Variants in LRRK1 observed in about 807,000 individuals in gnomAD.
The protein encoded by LRRK1 is leucine-rich repeat serine/threonine-protein kinase 1.
A neutral mutation model predicts 209.1 loss-of-function variants in LRRK1; 113 were observed. The ratio of observed to expected loss-of-function variants is 0.54; its 90% CI spans 0.46 to 0.63. LRRK1 has a LOEUF of 0.63. Among genes scored for constraint, LRRK1 ranks in the 30% least tolerant of loss-of-function variants. LRRK1 has a pLI of 0.00. For missense variants in LRRK1, 2,284 were observed against 2,632.2 expected, an observed-to-expected ratio of 0.87 and a Z score of 2.89; for synonymous variants, 1,144 against 1,099.7, an observed-to-expected ratio of 1.04 and a Z score of -0.80.
intron 16 of LRRK1, among the ~76,000 whole-genome samples, chr15:101,025,560 G>A (rs180901029): frequency 9.2e-5 from 14 of 152,356 alleles, no homozygotes; most frequent in African/African-American, 2.6e-4. Context: ...TTAGGCCTCA[G>A]GAAGCTTTTA....
At position 101,053,392 on chromosome 15, in the gene LRRK1, C is replaced by T. The variant is rs41418955; in HGVS notation, c.4026C>T (p.Leu1342=). Reference sequence around the variant, plus strand: ...TGGAGCTCGCGCCGCTCAGCAGCCTCAACACCGTGCTGTCCGAGAACGCCA... The same window carrying T: ...TGGAGCTCGCGCCGCTCAGCAGCCTTAACACCGTGCTGTCCGAGAACGCCA... ...FALELAPLSS[L]NTVLSENARD... is the part of the protein sequence containing the mutation. Residue 1342 remains leucine (L), a synonymous_variant, in exon 26 of 34, where the codon CTC becomes CTT. Transcript: ENST00000388948. 8.8e-3 allele frequency: 14,074 copies of T among 1,599,060 alleles called. 76 individuals are homozygous for T. The highest frequency in any genetic ancestry group is 0.011 in the Non-Finnish European group (12,885 of 1,179,230).
intron 4 of LRRK1, chr15:100,983,929 T>C: frequency 1.5e-6 from 1 of 646,296 alleles, no homozygotes; most frequent in Non-Finnish European, 2.8e-6. Context: ...AAGAATGTAA[T>C]TAACATTGCT....
At chr15:100,974,028 C>T (rs2031142402) in intron 3 of LRRK1, 61 bp downstream of exon 3, 2 of 1,210,196 alleles carry the variant, frequency 1.7e-6, no homozygotes, top group Admixed American at 4.2e-5. Flanking sequence ...AAGGGGACCG[C>T]TCAGATGATT....
At chr15:100,971,967 A>AT (rs35045867) in intron 2 of LRRK1, among the ~76,000 whole-genome samples, 102,601 of 147,290 alleles carry the variant, frequency 0.7, 35,741 homozygotes, top group Middle Eastern at 0.75. Context: ...TGACAAAAGA[A>AT]TTTTTTTTTT....
chr15:101,066,884 G>A, intron 33 of LRRK1, 143 bp downstream of exon 33: 1 of 776,478 alleles, frequency 1.3e-6, no homozygotes, highest in South Asian at 1.7e-5. Flanking sequence ...AGGCAAAGTG[G>A]AAACAAGATG....
At chr15:101,041,147 T>C (rs2034736039) in intron 20 of LRRK1, among the ~76,000 whole-genome samples, 1 of 152,246 alleles carries the variant, frequency 6.6e-6, no homozygotes, top group Non-Finnish European at 1.5e-5. Flanking sequence ...ACAATGTTTC[T>C]CTTTATCACT....
intron 2 of LRRK1, among the ~76,000 whole-genome samples, chr15:100,956,656 G>C (rs2042772538): frequency 6.6e-6 from 1 of 150,808 alleles, no homozygotes; most frequent in Non-Finnish European, 1.5e-5. Flanking sequence ...GTAGAGACAG[G>C]GTTTCACCAT....
chr15:100,987,010 A>C (rs1183035607), intron 4 of LRRK1, among the ~76,000 whole-genome samples: 3 of 152,158 alleles, frequency 2.0e-5, no homozygotes, highest in Non-Finnish European at 4.4e-5. Flanking sequence ...ATCTCAACAG[A>C]AGTTACTAGC....
intron 6 of LRRK1, among the ~76,000 whole-genome samples, chr15:100,997,957 T>A (rs1374310721): frequency 1.3e-5 from 2 of 151,956 alleles, no homozygotes; most frequent in African/African-American, 4.8e-5. Context: ...AGGTGGTGGA[T>A]CATCTGAGGT....
intron 29 of LRRK1, among the ~76,000 whole-genome samples, chr15:101,059,442 CT>C (rs2036025053): frequency 1.4e-5 from 2 of 147,888 alleles, no homozygotes; most frequent in African/African-American, 4.9e-5. Context: ...TGGAGCACGC[CT>C]TCCTGATGGG....
chr15:101,039,268 T>C (rs531789396), intron 20 of LRRK1, among the ~76,000 whole-genome samples: 9 of 152,202 alleles, frequency 5.9e-5, no homozygotes, highest in Non-Finnish European at 1.2e-4. Context: ...TTTATTTTGG[T>C]TTTTAAAAAG....
At chr15:100,922,183 A>T (rs779968365) in intron 1 of LRRK1, among the ~76,000 whole-genome samples, 2 of 152,250 alleles carry the variant, frequency 1.3e-5, no homozygotes, top group Non-Finnish European at 2.9e-5. Flanking sequence ...ACTTGTAATC[A>T]TCACTTGTTG....
At chr15:100,938,998 C>T (rs539592357) in intron 2 of LRRK1, among the ~76,000 whole-genome samples, 373 of 152,304 alleles carry the variant, frequency 2.4e-3, no homozygotes, top group Non-Finnish European at 3.2e-3. Flanking sequence ...GAGACTGAGA[C>T]AGGAGAATCG....
At chr15:100,998,649 G>A (rs2032540412) in intron 6 of LRRK1, among the ~76,000 whole-genome samples, 1 of 151,036 alleles carries the variant, frequency 6.6e-6, no homozygotes. Context: ...GGGTGGGTGT[G>A]TGGATGGATG....
At chr15:101,059,538 G>T (rs1206305017) in intron 29 of LRRK1, among the ~76,000 whole-genome samples, 1 of 146,572 alleles carries the variant, frequency 6.8e-6, no homozygotes, top group Non-Finnish European at 1.6e-5. Context: ...TGTTATGATT[G>T]TTACTCTAAG....
Position 101,074,652 on chromosome 15 carries a change from C to A in LRRK1, c.*5804C>A, listed in dbSNP as rs1335203110. On this transcript the variant is annotated 3_prime_UTR_variant, in exon 34 of 34. Coordinates refer to ENST00000388948, the MANE Select transcript of LRRK1 (RefSeq NM_024652.6). ...AAACCCCACAACAGGATTTAATTAACCTTGCCTTCAAGGTGTACAATAATA... is the reference window on the plus strand; with the variant it reads ...AAACCCCACAACAGGATTTAATTAAACTTGCCTTCAAGGTGTACAATAATA... 2 of 152,160 alleles carry A rather than the reference C, an allele frequency of 1.3e-5. No homozygotes were observed. The highest frequency in any genetic ancestry group is 2.9e-5 in the Non-Finnish European group (2 of 68,034). The allele number at this position is 152,160 out of a possible 1,614,324, so 9.4% of individuals were successfully genotyped here. A position where few individuals can be genotyped will look rare whatever the true frequency, so the allele number is the denominator to read the frequency against.
In LRRK1 at chr15:101,051,785, T is replaced by G; in HGVS notation, c.3514T>G (p.Trp1172Gly). Reference sequence around the variant, plus strand: ...GCCCTGCCCGGTCTGCGAGACAGCCTGGGCCCAGCACACGGACCCCAGTGA... The same window carrying G: ...GCCCTGCCCGGTCTGCGAGACAGCCGGGGCCCAGCACACGGACCCCAGTGA... Reference protein sequence around the residue: ...YVPCPVCETAWAQHTDPSEKS... With the variant: ...YVPCPVCETAGAQHTDPSEKS... Residue 1172 changes from tryptophan (W) to glycine (G), a missense_variant, in exon 24 of 34, where the codon TGG (tryptophan) becomes GGG (glycine). Physicochemically the swap from Trp to Gly is radical, Grantham distance 184. Around this residue, in one of 6 missense-constraint regions of LRRK1, gnomAD observed 780 missense variants for 985.2 expected, o/e 0.79. Transcript: ENST00000388948. 6.2e-7 allele frequency: 1 copy of G among 1,613,978 alleles called. No individual in the cohort carries two copies. The highest frequency in any genetic ancestry group is 2.2e-5 in the East Asian group (1 of 44,878).
At chr15:100,944,547 C>G (rs563956617) in intron 2 of LRRK1, among the ~76,000 whole-genome samples, 230 of 152,342 alleles carry the variant, frequency 1.5e-3, no homozygotes, top group Non-Finnish European at 2.5e-3. Context: ...CTCAAATCCT[C>G]ACATGATAGA....
chr15:100,966,419 A>C (rs1048926573), intron 2 of LRRK1, among the ~76,000 whole-genome samples: 1 of 152,240 alleles, frequency 6.6e-6, no homozygotes, highest in Non-Finnish European at 1.5e-5. Flanking sequence ...TGAATGAAGC[A>C]GTCATATATT....
Sources: allele counts gnomAD v4.1 joint callset (sites outside exome capture counted in the v4.1 genomes callset), GRCh38; gene constraint gnomAD v4.1.1; regional missense constraint gnomAD v4.1.1; transcripts MANE v1.5; gene names NCBI Gene and HGNC (gene_info 2026-07-23, HGNC 2026-07-21).